The following CCSER1 variants were observed in gnomAD, a reference collection of about 807,000 sequenced individuals.
CCSER1 encodes the protein serine-rich coiled-coil domain-containing protein 1.
In CCSER1, 41 loss-of-function variants were observed where a neutral mutation model predicts 82.0. The observed-to-expected ratio is 0.50, with a 90% CI of 0.39 to 0.65. The LOEUF (loss-of-function observed/expected upper bound fraction) is 0.65, where lower values mean the gene tolerates loss of function less well. Among genes scored for constraint, CCSER1 ranks in the 30% least tolerant of loss-of-function variants. The pLI, the probability that CCSER1 is intolerant of heterozygous loss-of-function variation, is 0.00. For synonymous variants in CCSER1, 414 were observed against 383.9 expected (o/e 1.08, Z -0.92); for missense variants, 1,119 against 1,064.2 (o/e 1.05, Z -0.72).
chr4:90,365,377 A>G (rs963651379), intron 3 of CCSER1, among the ~76,000 whole-genome samples: 45 of 151,950 alleles, frequency 3.0e-4, no homozygotes, highest in African/African-American at 1.0e-3. Context: ...GTGCATATAT[A>G]CATATACACA....
intron 1 of CCSER1, among the ~76,000 whole-genome samples, chr4:90,204,603 G>A (rs1738427422): frequency 6.6e-6 from 1 of 152,178 alleles, no homozygotes. Context: ...TAGCCTTGTA[G>A]TATAGTTTGA....
intron 3 of CCSER1, among the ~76,000 whole-genome samples, chr4:90,348,355 C>T (rs1344375010): frequency 2.0e-5 from 3 of 152,000 alleles, no homozygotes; most frequent in Admixed American, 6.6e-5. Context: ...GTTATGTGTA[C>T]GTATTTGAAA....
intron 10 of CCSER1, among the ~76,000 whole-genome samples, chr4:91,350,594 T>A (rs566201561): frequency 6.6e-6 from 1 of 152,248 alleles, no homozygotes; most frequent in South Asian, 2.1e-4. Flanking sequence ...AAGAGATTAA[T>A]TTGTTTATTG....
chr4:91,411,690 G>C (rs1234315628), intron 10 of CCSER1, among the ~76,000 whole-genome samples: 1 of 149,416 alleles, frequency 6.7e-6, no homozygotes, highest in Non-Finnish European at 1.5e-5. Flanking sequence ...TTGAGAGTTT[G>C]AGAAAGGGTT....
chr4:90,554,647 C>CTAAA (rs1404519607), intron 5 of CCSER1, among the ~76,000 whole-genome samples: 1 of 152,122 alleles, frequency 6.6e-6, no homozygotes, highest in East Asian at 1.9e-4. Context: ...AGGACAGGAG[C>CTAAA]TAAAGTATAA....
At chr4:91,481,588 C>T (rs543013082) in intron 10 of CCSER1, among the ~76,000 whole-genome samples, 1 of 152,264 alleles carries the variant, frequency 6.6e-6, no homozygotes, top group South Asian at 2.1e-4. Context: ...TAGCCCCTAA[C>T]ATGAGGATTG....
intron 10 of CCSER1, among the ~76,000 whole-genome samples, chr4:91,419,048 C>T (rs1753545922): frequency 6.6e-6 from 1 of 151,800 alleles, no homozygotes; most frequent in East Asian, 1.9e-4. Context: ...TTCACGATAA[C>T]AACTGTCAAC....
intron 1 of CCSER1, among the ~76,000 whole-genome samples, chr4:90,195,409 T>C (rs1431636474): frequency 6.6e-6 from 1 of 152,046 alleles, no homozygotes; most frequent in Non-Finnish European, 1.5e-5. Flanking sequence ...AAGGGAAAAC[T>C]ATGGAGACAG....
chr4:91,319,150 A>G, intron 10 of CCSER1: 1 of 235,740 alleles, frequency 4.2e-6, no homozygotes, highest in South Asian at 4.4e-5. Context: ...GGAAAAAAAT[A>G]AAATTAGATG....
At chr4:91,534,340 T>C (rs534377902) in intron 10 of CCSER1, among the ~76,000 whole-genome samples, 2 of 152,132 alleles carry the variant, frequency 1.3e-5, no homozygotes, top group South Asian at 2.1e-4. Flanking sequence ...ACCTAAGTTA[T>C]AATGGTTTTA....
At position 90,593,103 on chromosome 4, in the gene CCSER1, G is replaced by C. The variant is rs950925678; in HGVS notation, c.1725-34922G>C. The stretch of plus-strand genomic sequence containing the variant: ...AAAAATATAGACAGCTATTATTAAT[G>C]CTTGCAAAAATTACTATTTCAATGG... On this transcript the variant is annotated intron_variant, in intron 5 of 10. Transcript: ENST00000509176. 3.3e-5 allele frequency among the ~76,000 whole-genome samples: 5 copies of C among 152,166 alleles called. No individual in the cohort carries two copies. The East Asian group carries it at 9.7e-4, about 29-fold the overall frequency.
chr4:90,483,220 G>T (rs930602018), intron 5 of CCSER1, among the ~76,000 whole-genome samples: 6 of 152,006 alleles, frequency 3.9e-5, no homozygotes, highest in Non-Finnish European at 8.8e-5. Flanking sequence ...TTTTCCGTTT[G>T]CTTGGCAGAT....
chr4:91,139,843 A>G (rs1414878574), intron 10 of CCSER1, among the ~76,000 whole-genome samples: 1 of 152,208 alleles, frequency 6.6e-6, no homozygotes, highest in Admixed American at 6.5e-5. Context: ...TTGTATAGAT[A>G]TGCCAAGTAC....
chr4:90,530,358 C>G (rs891339443), intron 5 of CCSER1, among the ~76,000 whole-genome samples: 1 of 152,060 alleles, frequency 6.6e-6, no homozygotes, highest in South Asian at 2.1e-4. Flanking sequence ...GACCTCTACC[C>G]CAGCTGGTGA....
At chr4:91,494,276 C>T (rs933849357) in intron 10 of CCSER1, among the ~76,000 whole-genome samples, 2 of 151,796 alleles carry the variant, frequency 1.3e-5, no homozygotes, top group Non-Finnish European at 1.5e-5. Flanking sequence ...ATGTGAACTA[C>T]TAGCAGTGGG....
At chr4:91,357,938 C>CT (rs1364468888) in intron 10 of CCSER1, among the ~76,000 whole-genome samples, 2 of 100,706 alleles carry the variant, frequency 2.0e-5, no homozygotes, top group Non-Finnish European at 3.6e-5. Flanking sequence ...AGCAAACTTT[C>CT]TTTATGTCTT....
At chr4:90,612,603 C>T (rs1191134790) in intron 5 of CCSER1, among the ~76,000 whole-genome samples, 2 of 152,120 alleles carry the variant, frequency 1.3e-5, no homozygotes, top group Admixed American at 1.3e-4. Context: ...TTCATTCTCC[C>T]TAGTGTAAAA....
intron 1 of CCSER1, among the ~76,000 whole-genome samples, chr4:90,285,797 C>T (rs1433862819): frequency 1.3e-5 from 2 of 151,746 alleles, no homozygotes; most frequent in Non-Finnish European, 2.9e-5. Flanking sequence ...GGCCTTTTAT[C>T]ATGTTGAGGT....
rs181022786 is a variant in CCSER1 at position 91,002,873 on chromosome 4, G to A, written c.2172+79426G>A. ...TTTTTTCTGGTTCCTTCTCATTTGG[G>A]TGGCTATGTCAGAGGGAAGATCTGG... On this transcript the variant is annotated intron_variant, in intron 9 of 10. Transcript: ENST00000509176. Among the ~76,000 whole-genome samples the A allele has an allele frequency of 3.3e-5, 5 of 152,252 alleles. No individual in the cohort carries two copies. In the East Asian group the frequency reaches 9.7e-4, roughly 29 times the overall value.
Sources: gnomAD v4.1 joint callset for allele counts (sites outside exome capture counted in the v4.1 genomes callset) on GRCh38, gnomAD v4.1.1 for gene constraint, MANE v1.5 for transcripts, NCBI Gene and HGNC (gene_info 2026-07-23, HGNC 2026-07-21) for gene names.